The following CNTLN variants were observed in gnomAD, a reference collection of about 807,000 sequenced individuals.
The protein encoded by CNTLN is centlein.
Under a neutral mutation model 180.0 loss-of-function variants are expected in CNTLN, and 212 were observed. The observed-to-expected ratio is 1.18, with a 90% confidence interval of 1.05 to 1.32. CNTLN has a LOEUF of 1.32. CNTLN is among the 40% of genes most tolerant of loss of function. The pLI is 0.00. For missense variants in CNTLN, 2,095 were observed against 1,610.9 expected (o/e 1.30, Z -5.14); for synonymous variants, 722 against 563.1 (o/e 1.28, Z -3.99).
chr9:17,179,793 C>T (rs527699048), intron 2 of CNTLN, among the ~76,000 whole-genome samples: 2 of 151,948 alleles, frequency 1.3e-5, no homozygotes, highest in Non-Finnish European at 2.9e-5. Flanking sequence ...ATTGATTTAT[C>T]TATTACTCTT....
Position 17,330,708 on chromosome 9 carries a change from A to G in CNTLN, c.1418A>G (p.Glu473Gly). The G allele has an allele frequency of 6.2e-7, 1 of 1,612,194 alleles. No homozygotes were observed. Among genetic ancestry groups the G allele is most frequent in the Non-Finnish European group, 8.5e-7 (1 of 1,178,696 alleles). ...AAGTCTGAAATTGAGTATTTACAGG[A>G]GAAACTAAAGATAGCAAATGAAAAA... Reference protein sequence around the residue: ...SQKSEIEYLQEKLKIANEKLS... With the variant: ...SQKSEIEYLQGKLKIANEKLS... The change falls in exon 9 of 26, where the codon GAG becomes GGG. Residue 473 changes from glutamate (E) to glycine (G), a missense_variant. By Grantham distance (98) the Glu-to-Gly change is moderately conservative. Coordinates refer to ENST00000380647, the MANE Select transcript of CNTLN (RefSeq NM_017738.4).
intron 25 of CNTLN, among the ~76,000 whole-genome samples, chr9:17,490,893 G>A (rs995567343): frequency 6.6e-6 from 1 of 152,048 alleles, no homozygotes; most frequent in Non-Finnish European, 1.5e-5. Flanking sequence ...CTTGAATTCT[G>A]TCTAGTGGCT....
intron 12 of CNTLN, among the ~76,000 whole-genome samples, chr9:17,345,014 G>A (rs1266386945): frequency 1.3e-5 from 2 of 151,982 alleles, no homozygotes; most frequent in East Asian, 3.9e-4. Flanking sequence ...GCTTCTTTCC[G>A]CATAATGTCT....
chr9:17,221,045 A>G (rs1489237799), intron 2 of CNTLN, among the ~76,000 whole-genome samples: 1 of 152,148 alleles, frequency 6.6e-6, no homozygotes, highest in Non-Finnish European at 1.5e-5. Context: ...ACTGTAGTTA[A>G]TGCTTTGACT....
chr9:17,244,131 C>T (rs1326512253), intron 5 of CNTLN, among the ~76,000 whole-genome samples: 1 of 150,768 alleles, frequency 6.6e-6, no homozygotes, highest in Non-Finnish European at 1.5e-5. Flanking sequence ...ACTCCTGCTC[C>T]TTTTTGGTTT....
intron 12 of CNTLN, among the ~76,000 whole-genome samples, chr9:17,344,501 C>G (rs1011162456): frequency 6.6e-6 from 1 of 152,002 alleles, no homozygotes; most frequent in Non-Finnish European, 1.5e-5. Context: ...AGGTAACAAA[C>G]CTGTTTGAGC....
chr9:17,413,892 CA>C (rs1260135143), intron 16 of CNTLN, among the ~76,000 whole-genome samples: 2 of 151,986 alleles, frequency 1.3e-5, no homozygotes, highest in African/African-American at 2.4e-5. Flanking sequence ...ATATGTTTAC[CA>C]AAAAAACTTG....
chr9:17,432,927 A>C (rs1263914799), intron 18 of CNTLN, among the ~76,000 whole-genome samples: 1 of 148,816 alleles, frequency 6.7e-6, no homozygotes, highest in Non-Finnish European at 1.5e-5. Flanking sequence ...AGGCTGAGGC[A>C]GGAGAATAGC....
At chr9:17,241,761 G>C (rs967285947) in intron 5 of CNTLN, among the ~76,000 whole-genome samples, 3 of 151,788 alleles carry the variant, frequency 2.0e-5, no homozygotes, top group Non-Finnish European at 4.4e-5. Context: ...TTATTGTAGA[G>C]ATCTTTAACT....
At chr9:17,251,789 TC>T (rs1293294016) in intron 5 of CNTLN, among the ~76,000 whole-genome samples, 1 of 151,876 alleles carries the variant, frequency 6.6e-6, no homozygotes, top group Non-Finnish European at 1.5e-5. Context: ...GTGACGTTGT[TC>T]CCAAGTATAG....
At chr9:17,222,535 A>T (rs1034888272) in intron 2 of CNTLN, among the ~76,000 whole-genome samples, 2 of 151,962 alleles carry the variant, frequency 1.3e-5, no homozygotes, top group African/African-American at 4.8e-5. Context: ...CCGCTTTTGC[A>T]TCTTCCTCAT....
chr9:17,185,733 G>A (rs557371416), intron 2 of CNTLN, among the ~76,000 whole-genome samples: 1 of 150,456 alleles, frequency 6.6e-6, no homozygotes, highest in East Asian at 2.0e-4. Context: ...TGTTAGAAAG[G>A]CTTTTCTCTC....
At chr9:17,152,584 A>G (rs1818967154) in intron 2 of CNTLN, among the ~76,000 whole-genome samples, 1 of 152,064 alleles carries the variant, frequency 6.6e-6, no homozygotes, top group Non-Finnish European at 1.5e-5. Flanking sequence ...TTGCAATTAT[A>G]TGGTCAATTT....
chr9:17,270,623 C>A (rs1352809186), intron 5 of CNTLN, among the ~76,000 whole-genome samples: 1 of 151,990 alleles, frequency 6.6e-6, no homozygotes, highest in Non-Finnish European at 1.5e-5. Flanking sequence ...TTGAGAACAT[C>A]CTTTTAAAAT....
At chr9:17,512,946 A>G in the CNTLN span, among the ~76,000 whole-genome samples, 1 of 152,092 alleles carries the variant, frequency 6.6e-6, no homozygotes, top group South Asian at 2.1e-4. Context: ...CGTCCCGAGT[A>G]GCTGGGACTA....
At chr9:17,276,020 A>G (rs1828285596) in intron 6 of CNTLN, among the ~76,000 whole-genome samples, 1 of 152,092 alleles carries the variant, frequency 6.6e-6, no homozygotes, top group African/African-American at 2.4e-5. Context: ...GGAAAAATCT[A>G]CCTGTTGGAT....
At chr9:17,478,561 G>C (rs193148483) in intron 23 of CNTLN, among the ~76,000 whole-genome samples, 1 of 151,188 alleles carries the variant, frequency 6.6e-6, no homozygotes, top group African/African-American at 2.4e-5. Context: ...GTCTCACTCT[G>C]TTTCCCACGC....
intron 19 of CNTLN, among the ~76,000 whole-genome samples, chr9:17,462,204 A>G (rs1215203255): frequency 6.6e-6 from 1 of 151,670 alleles, no homozygotes; most frequent in Non-Finnish European, 1.5e-5. Context: ...GCTACCTCAT[A>G]TCCCTGGATT....
chr9:17,324,495 G>A (rs1384402131), intron 8 of CNTLN, among the ~76,000 whole-genome samples: 1 of 152,044 alleles, frequency 6.6e-6, no homozygotes, highest in East Asian at 1.9e-4. Flanking sequence ...TGTAAATTGT[G>A]GAGTTATTCT....
Sources: gnomAD v4.1 joint callset for allele counts (sites outside exome capture counted in the v4.1 genomes callset) on GRCh38, gnomAD v4.1.1 for gene constraint, MANE v1.5 for transcripts, NCBI Gene and HGNC (gene_info 2026-07-23, HGNC 2026-07-21) for gene names.